The following RAP1A variants were observed in gnomAD, a reference collection of about 807,000 sequenced individuals.
RAP1A encodes the protein ras-related protein Rap-1A.
RAP1A carries 6 observed loss-of-function variants against 26.4 expected under a neutral mutation model. The observed-to-expected ratio is 0.23, with a 90% CI of 0.12 to 0.45. The LOEUF (loss-of-function observed/expected upper bound fraction) is 0.45. Among genes scored for constraint, RAP1A ranks in the 20% least tolerant of loss-of-function variants. The probability of loss-of-function intolerance (pLI) is 0.99; values close to 1 mark genes in which losing one functional copy is unlikely to be tolerated. For missense variants in RAP1A, 121 were observed against 217.2 expected (o/e 0.56, Z 2.78); for synonymous variants, 73 against 79.4 (o/e 0.92, Z 0.43).
intron 1 of RAP1A, chr1:111,648,661 T>A (rs573667237): frequency 1.0e-4 from 54 of 528,788 alleles, no homozygotes; most frequent in African/African-American, 8.9e-4. Context: ...TCCAGGTCAA[T>A]CTTTAAGGAC....
At chr1:111,648,231 C>T in intron 1 of RAP1A, 2 of 463,496 alleles carry the variant, frequency 4.3e-6, no homozygotes, top group East Asian at 5.4e-5. Context: ...CTTCCAGTGA[C>T]CTTTGAACTT....
At chr1:111,589,200 G>T (rs1206152505) in intron 1 of RAP1A, among the ~76,000 whole-genome samples, 1 of 152,178 alleles carries the variant, frequency 6.6e-6, no homozygotes, top group African/African-American at 2.4e-5. Context: ...TTCAAGTGGA[G>T]CCAATGTACC....
chr1:111,707,418 A>T (rs1356921130), intron 6 of RAP1A, among the ~76,000 whole-genome samples: 1 of 152,246 alleles, frequency 6.6e-6, no homozygotes, highest in Non-Finnish European at 1.5e-5. Flanking sequence ...TTTACCCTTC[A>T]TCAGATTCAC....
chr1:111,650,010 CTTATT>C (rs893094693), intron 1 of RAP1A, among the ~76,000 whole-genome samples: 2 of 148,256 alleles, frequency 1.3e-5, no homozygotes, highest in Admixed American at 6.7e-5. Context: ...CTTGTTTACA[CTTATT>C]TTAATAGTGA....
chr1:111,630,025 T>C (rs937122696), intron 1 of RAP1A, among the ~76,000 whole-genome samples: 2 of 152,236 alleles, frequency 1.3e-5, no homozygotes, highest in African/African-American at 4.8e-5. Context: ...TGATGGCCTG[T>C]TGTCTTACAT....
intron 1 of RAP1A, among the ~76,000 whole-genome samples, chr1:111,565,562 G>A (rs1657900236): frequency 6.6e-6 from 1 of 152,206 alleles, no homozygotes; most frequent in South Asian, 2.1e-4. Flanking sequence ...CTAAACCTGT[G>A]CCATTCAGAA....
At chr1:111,553,401 C>T (rs1358398492) in intron 1 of RAP1A, among the ~76,000 whole-genome samples, 1 of 152,166 alleles carries the variant, frequency 6.6e-6, no homozygotes, top group Non-Finnish European at 1.5e-5. Context: ...TTCATGCTGC[C>T]ACTATGCTAT....
intron 1 of RAP1A, chr1:111,563,897 G>A: frequency 3.1e-6 from 5 of 1,613,804 alleles, no homozygotes; most frequent in Non-Finnish European, 4.2e-6. Context: ...CTCTTCCCAG[G>A]AGCTTTCCCA....
At chr1:111,591,432 G>A (rs1016243459) in intron 1 of RAP1A, among the ~76,000 whole-genome samples, 3 of 151,986 alleles carry the variant, frequency 2.0e-5, no homozygotes, top group Non-Finnish European at 4.4e-5. Flanking sequence ...TTAATTTCCA[G>A]TGTTTCTTCT....
rs936878916 is a variant in RAP1A, at chr1:111,619,927, C to A, written c.-35C>A. On this transcript the variant is annotated 5_prime_UTR_variant, in exon 1 of 8. Coordinates refer to ENST00000369709, the MANE Select transcript of RAP1A (RefSeq NM_002884.4). Reference sequence around the variant, plus strand: ...TGGAGGAGGTGGAGGAGGCGCCGGACCGGGGGGGTGAGTAAGGGGCGGGGA... The same window carrying A: ...TGGAGGAGGTGGAGGAGGCGCCGGAACGGGGGGGTGAGTAAGGGGCGGGGA... 2 of 393,830 alleles carry A rather than the reference C, an allele frequency of 5.1e-6. No homozygotes were observed. Among genetic ancestry groups the A allele is most frequent in the African/African-American group, 2.1e-5 (1 of 47,118 alleles). The allele number at this position is 393,830 out of a possible 1,614,324, so 24.4% of individuals were successfully genotyped here. A position where few individuals can be genotyped will look rare whatever the true frequency, so the allele number is the denominator to read the frequency against.
At chr1:111,572,436 C>G (rs991472711) in intron 1 of RAP1A, among the ~76,000 whole-genome samples, 1 of 152,212 alleles carries the variant, frequency 6.6e-6, no homozygotes, top group Non-Finnish European at 1.5e-5. Context: ...TCATTTACAG[C>G]GTGCATGCCT....
chr1:111,644,854 C>T (rs1660015191), intron 1 of RAP1A, among the ~76,000 whole-genome samples: 1 of 152,130 alleles, frequency 6.6e-6, no homozygotes, highest in Non-Finnish European at 1.5e-5. Flanking sequence ...CCTCTTCTCT[C>T]CTAGAAGATT....
intron 1 of RAP1A, among the ~76,000 whole-genome samples, chr1:111,627,222 A>C (rs1571507964): frequency 6.6e-6 from 1 of 152,172 alleles, no homozygotes; most frequent in East Asian, 1.9e-4. Context: ...TGATACTTTA[A>C]TATACATTTT....
upstream of RAP1A, among the ~76,000 whole-genome samples, chr1:111,617,770 G>C (rs962226267): frequency 1.3e-5 from 2 of 149,338 alleles, no homozygotes; most frequent in Non-Finnish European, 3.0e-5. Context: ...CCAGCTGGGC[G>C]CAGTGGCTCA....
chr1:111,680,033 A>G (rs1057187936), intron 1 of RAP1A, among the ~76,000 whole-genome samples: 6 of 152,170 alleles, frequency 3.9e-5, no homozygotes, highest in Non-Finnish European at 7.3e-5. Context: ...ATAGCACTCA[A>G]GCTCTGCTAA....
exon 1 of RAP1A, chr1:111,542,241 A>G (rs1417201800): frequency 6.6e-6 from 4 of 609,568 alleles, no homozygotes; most frequent in African/African-American, 3.7e-5. Context: ...TGACGGAAAC[A>G]CTGGCGGCAC....
At chr1:111,644,262 A>G (rs752294203) in intron 1 of RAP1A, among the ~76,000 whole-genome samples, 2 of 152,244 alleles carry the variant, frequency 1.3e-5, no homozygotes, top group Non-Finnish European at 2.9e-5. Context: ...TATTTGGAGG[A>G]TGTTGAATAA....
chr1:111,634,496 T>A (rs1659665016), intron 1 of RAP1A, among the ~76,000 whole-genome samples: 2 of 150,430 alleles, frequency 1.3e-5, no homozygotes, highest in Non-Finnish European at 1.5e-5. Flanking sequence ...TTATTATCTC[T>A]GATGTATGGG....
intron 1 of RAP1A, among the ~76,000 whole-genome samples, chr1:111,578,520 A>G (rs1235658387): frequency 6.6e-6 from 1 of 152,040 alleles, no homozygotes; most frequent in Non-Finnish European, 1.5e-5. Context: ...AAAAAATTAC[A>G]TATGAACTCA....
Sources: gnomAD v4.1 joint callset for allele counts (sites outside exome capture counted in the v4.1 genomes callset) on GRCh38, gnomAD v4.1.1 for gene constraint, MANE v1.5 for transcripts, NCBI Gene and HGNC (gene_info 2026-07-23, HGNC 2026-07-21) for gene names.